Variants in PAPLN observed in about 807,000 individuals in gnomAD.
PAPLN encodes papilin.
Under a neutral mutation model 159.0 loss-of-function variants are expected in PAPLN, and 146 were observed. The observed-to-expected ratio is 0.92, with a 90% confidence interval of 0.80 to 1.05. PAPLN has a LOEUF of 1.05. Ranked by LOEUF, PAPLN falls within the 50% of genes least tolerant of loss-of-function variation. The pLI is 0.00. For synonymous variants in PAPLN, 734 were observed against 702.9 expected (o/e 1.04, Z -0.70); for missense variants, 1,720 against 1,743.9 (o/e 0.99, Z 0.24).
chr14:73,265,638 A>G lies in PAPLN; in HGVS notation c.3263+131A>G. 1 of 1,353,120 alleles carries G rather than the reference A, an allele frequency of 7.4e-7. No individual in the cohort carries two copies. Among genetic ancestry groups the G allele is most frequent in the Non-Finnish European group, 9.9e-7 (1 of 1,005,530 alleles). The allele number at this position is 1,353,120 out of a possible 1,614,324, so 83.8% of individuals were successfully genotyped here. A position where few individuals can be genotyped will look rare whatever the true frequency, so the allele number is the denominator to read the frequency against. On this transcript the variant is annotated intron_variant, in intron 23 of 26. Coordinates refer to ENST00000644200, the MANE Select transcript of PAPLN (RefSeq NM_001365906.3). The surrounding 1 kb of genome is among the most constrained non-coding windows in gnomAD (Gnocchi z 4.1). ...CTGAGCCGGACTCCAGGGCCTCTTG[A>G]GAGATGGAGCAGCTGGGCAAAGGGC...
upstream of PAPLN, among the ~76,000 whole-genome samples, chr14:73,237,071 G>C (rs748268467): frequency 3.9e-5 from 6 of 152,128 alleles, no homozygotes; most frequent in Admixed American, 6.5e-5. Context: ...TTGGGAGAGC[G>C]CATTCTGAGT....
chr14:73,259,216 G>A, intron 15 of PAPLN, 53 bp from the exon 16 acceptor site: 1 of 1,528,696 alleles, frequency 6.5e-7, no homozygotes, highest in Non-Finnish European at 8.8e-7. Context: ...GGACAGGGGT[G>A]GAGGGGAGGA....
intron 14 of PAPLN, among the ~76,000 whole-genome samples, chr14:73,258,678 C>T (rs1886209848): frequency 1.4e-5 from 2 of 146,980 alleles, no homozygotes; most frequent in South Asian, 4.5e-4. Flanking sequence ...GGGAGGATCA[C>T]TTGAACCCAG....
upstream of PAPLN, among the ~76,000 whole-genome samples, chr14:73,236,500 C>G (rs545058846): frequency 6.6e-6 from 1 of 152,012 alleles, no homozygotes; most frequent in African/African-American, 2.4e-5. Context: ...CCAGGTTGGG[C>G]GAGACCTTGT....
intron 10 of PAPLN, 97 bp downstream of exon 10, chr14:73,252,238 C>A: frequency 7.0e-7 from 1 of 1,425,016 alleles, no homozygotes; most frequent in Non-Finnish European, 9.2e-7. Flanking sequence ...CAAGGCAGTC[C>A]CTCCTGGGGA....
chr14:73,239,534 G>C, intron 1 of PAPLN: 1 of 584,714 alleles, frequency 1.7e-6, no homozygotes, highest in Non-Finnish European at 2.7e-6. Context: ...GAAACAAGTT[G>C]TTCTTGAACT....
Position 73,253,889 on chromosome 14 carries a change from T to G in PAPLN, c.1230T>G (p.Pro410=). The G allele has an allele frequency of 1.2e-6, 2 of 1,613,262 alleles. No individual in the cohort carries two copies. Among genetic ancestry groups the G allele is most frequent in the Non-Finnish European group, 1.7e-6 (2 of 1,179,892 alleles). The change falls in exon 12 of 27, where the codon CCT becomes CCG. Residue 410 remains proline (P), a synonymous_variant. Transcript: ENST00000644200. ...AGGAGGCTGAGTGTGCCGGGCTGCC[T>G]GGGAAGCCCCCTGCCATTCAGGCCT... The part of the protein sequence containing the change: ...AVEEAECAGL[P]GKPPAIQACN...
At chr14:73,257,288 T>C (rs537720653) in intron 14 of PAPLN, among the ~76,000 whole-genome samples, 2 of 152,284 alleles carry the variant, frequency 1.3e-5, no homozygotes, top group East Asian at 3.9e-4. Flanking sequence ...TTTTATTCTT[T>C]ATAACTTTCT....
At position 73,264,233 on chromosome 14, in the gene PAPLN, T is replaced by TC; in HGVS notation, c.2887dup (p.Leu963ProfsTer36). ...CAGGCACAGGCTGCAGTTCGACGGA[T>TC]CCCTGATCATCCACCCCCTGCAGGC... On this transcript the variant is annotated frameshift_variant, in exon 21 of 27. Transcript: ENST00000644200. LOFTEE classifies it high-confidence loss of function. 1 of 1,613,882 alleles carries TC rather than the reference T, an allele frequency of 6.2e-7. No individual in the cohort carries two copies. Among genetic ancestry groups the TC allele is most frequent in the Non-Finnish European group, 8.5e-7 (1 of 1,179,970 alleles).
chr14:73,260,725 G>T lies in PAPLN; in HGVS notation c.2002G>T (p.Asp668Tyr). 6.8e-7 allele frequency: 1 copy of T among 1,471,860 alleles called. No homozygotes were observed. The highest frequency in any genetic ancestry group is 1.5e-5 in the South Asian group (1 of 66,256). The allele number at this position is 1,471,860 out of a possible 1,614,324, so 91.2% of individuals were successfully genotyped here. A position where few individuals can be genotyped will look rare whatever the true frequency, so the allele number is the denominator to read the frequency against. Reference protein sequence around the residue: ...CQQSRYGCCPDRVSVAEGPHH... With the variant: ...CQQSRYGCCPYRVSVAEGPHH... ...TCTGCCTAGGTACGGGTGCTGCCCTGACAGGGTATCTGTCGCTGAGGGGCC... is the reference window on the plus strand; with the variant it reads ...TCTGCCTAGGTACGGGTGCTGCCCTTACAGGGTATCTGTCGCTGAGGGGCC... The change falls in exon 17 of 27, where the codon GAC (aspartate) becomes TAC (tyrosine). Residue 668 changes from aspartate to tyrosine, a missense_variant. Coordinates refer to ENST00000644200, the MANE Select transcript of PAPLN (RefSeq NM_001365906.3).
Position 73,259,499 on chromosome 14 carries a change from G to C in PAPLN, c.1939G>C (p.Gly647Arg). 2 of 1,601,090 alleles carry C rather than the reference G, an allele frequency of 1.2e-6. No individual in the cohort carries two copies. Among genetic ancestry groups the C allele is most frequent in the African/African-American group, 1.3e-5 (1 of 74,770 alleles). The change falls in exon 16 of 27, where the codon GGG becomes CGG. Residue 647 changes from glycine (G) to arginine (R), a missense_variant. Coordinates refer to ENST00000644200, the MANE Select transcript of PAPLN (RefSeq NM_001365906.3). Reference protein sequence around the residue: ...CCPDGHTASLGPQWQGCPGAP... With the variant: ...CCPDGHTASLRPQWQGCPGAP... ...CCCCGATGGCCACACGGCATCTCTC[G>C]GGCCTCAGTGGCAAGGCTGCCCTGG...
chr14:73,272,275 A>AG, intron 26 of PAPLN: 1 of 405,394 alleles, frequency 2.5e-6, no homozygotes, highest in Non-Finnish European at 4.3e-6. Context: ...TAATAATGGG[A>AG]GGACCACTGC....
Position 73,264,321 on chromosome 14 carries a change from A to C in PAPLN, c.2972A>C (p.Gln991Pro). The change falls in exon 21 of 27, where the codon CAA becomes CCA. Residue 991 changes from glutamine to proline, a missense_variant. By Grantham distance (76) the Gln-to-Pro change is moderately conservative. Coordinates refer to ENST00000644200, the MANE Select transcript of PAPLN (RefSeq NM_001365906.3). Reference sequence around the variant, plus strand: ...CCAGGCCGCGACTCCCAGAAGATCCAACTTCGCATCATAGGTCTCTGTCCC... The same window carrying C: ...CCAGGCCGCGACTCCCAGAAGATCCCACTTCGCATCATAGGTCTCTGTCCC... ...TRPGRDSQKIQLRIIGGDMAV... is the reference protein window; with the variant it reads ...TRPGRDSQKIPLRIIGGDMAV... 6.2e-7 allele frequency: 1 copy of C among 1,613,860 alleles called. No individual in the cohort carries two copies. Among genetic ancestry groups the C allele is most frequent in the Non-Finnish European group, 8.5e-7 (1 of 1,179,928 alleles).
chr14:73,236,918 GA>G (rs1261083587), upstream of PAPLN, among the ~76,000 whole-genome samples: 3 of 148,164 alleles, frequency 2.0e-5, no homozygotes, highest in African/African-American at 7.6e-5. Context: ...GGAAGGGAGG[GA>G]GGGAAAGAAA....
intron 5 of PAPLN, among the ~76,000 whole-genome samples, chr14:73,247,458 G>C (rs983770631): frequency 6.6e-6 from 1 of 152,008 alleles, no homozygotes; most frequent in Non-Finnish European, 1.5e-5. Context: ...TATTCTCTCT[G>C]TGTGTGTGTG....
chr14:73,263,535 T>C (rs1437267967), intron 19 of PAPLN, 110 bp from the exon 20 acceptor site: 1 of 1,434,562 alleles, frequency 7.0e-7, no homozygotes, highest in Middle Eastern at 1.8e-4. Context: ...GCCCCAAAAG[T>C]GCCTGTGACA....
At chr14:73,266,452 G>A (rs1437052039) in intron 23 of PAPLN, 49 bp from the exon 24 acceptor site, 2 of 1,604,346 alleles carry the variant, frequency 1.2e-6, no homozygotes, top group East Asian at 4.5e-5. Context: ...AGCTGGAGGA[G>A]AGGGGAGGCT....
Position 73,265,400 on chromosome 14 carries a change from G to A in PAPLN, c.3156G>A (p.Val1052=). 6.2e-7 allele frequency: 1 copy of A among 1,611,824 alleles called. No homozygotes were observed. Among genetic ancestry groups the A allele is most frequent in the Non-Finnish European group, 8.5e-7 (1 of 1,179,990 alleles). Residue 1052 remains valine (V), a synonymous_variant, in exon 23 of 27, where the codon GTG becomes GTA. Coordinates refer to ENST00000644200, the MANE Select transcript of PAPLN (RefSeq NM_001365906.3). This position sits in a 1 kb window ranked among gnomAD's most constrained non-coding sequence, Gnocchi z 4.1. ...GTTTGGACCAGAACCAGCCCCGGGTGGTGGATGCCAGTCCAGGCCAGCGGA... is the reference window on the plus strand; with the variant it reads ...GTTTGGACCAGAACCAGCCCCGGGTAGTGGATGCCAGTCCAGGCCAGCGGA... ...RLRLDQNQPR[V]VDASPGQRIR...
Position 73,245,668 on chromosome 14 carries a change from C to A in PAPLN, c.203C>A (p.Ala68Asp). The change falls in exon 4 of 27, where the codon GCC (alanine) becomes GAC (aspartate). Residue 68 changes from alanine (A) to aspartate (D), a missense_variant. Ala to Asp is a moderately radical substitution (Grantham distance 126). Transcript: ENST00000644200. This position sits in a 1 kb window ranked among gnomAD's most constrained non-coding sequence, Gnocchi z 4.2. ...GGAGGCTCCAGCTGCGTGGGCCCCG[C>A]CCGGAGCCACCGCTCTTGTCGCACG... Reference protein sequence around the residue: ...RDGGSSCVGPARSHRSCRTES... With the variant: ...RDGGSSCVGPDRSHRSCRTES... 1 of 1,556,282 alleles carries A rather than the reference C, an allele frequency of 6.4e-7. No individual in the cohort carries two copies.
Sources: allele counts gnomAD v4.1 joint callset (sites outside exome capture counted in the v4.1 genomes callset), GRCh38; gene constraint gnomAD v4.1.1; non-coding constraint Gnocchi (gnomAD v3.1); transcripts MANE v1.5; gene names NCBI Gene and HGNC (gene_info 2026-07-23, HGNC 2026-07-21).